Variants in CELF1 observed in about 807,000 individuals in gnomAD.
The protein encoded by CELF1 is CUGBP Elav-like family member 1, also known as 50 kDa nuclear polyadenylated RNA-binding protein.
A neutral mutation model predicts 61.8 loss-of-function variants in CELF1; 10 were observed. That is an observed-to-expected ratio of 0.16 (90% CI 0.10 to 0.27). The LOEUF is 0.27. CELF1 is among the 10% of genes least tolerant of loss of function. The pLI is 1.00. For synonymous variants in CELF1, 236 were observed against 225.1 expected, an observed-to-expected ratio of 1.05 and a Z score of -0.43; for missense variants, 380 against 639.1, an observed-to-expected ratio of 0.59 and a Z score of 4.37.
chr11:47,521,934 G>A (rs1178517956), intron 1 of CELF1, among the ~76,000 whole-genome samples: 2 of 148,722 alleles, frequency 1.3e-5, no homozygotes, highest in South Asian at 2.1e-4. Flanking sequence ...TTTTTGACAC[G>A]GGTTTTGCTC....
chr11:47,540,295 G>A (rs1297901376), intron 1 of CELF1, among the ~76,000 whole-genome samples: 1 of 152,224 alleles, frequency 6.6e-6, no homozygotes, highest in Non-Finnish European at 1.5e-5. Context: ...TGGAGGGGCT[G>A]AAGAGCATTC....
chr11:47,473,129 T>C lies in CELF1; in HGVS notation c.1376A>G (p.Lys459Arg), dbSNP rs2153365717. The stretch of plus-strand genomic sequence containing the variant: ...GTTTGTCTGCTTGTCTATGAAAACC[T>C]TGGCAGACACGACATTCCCAAAGGG... ...FMPFGNVVSAKVFIDKQTNLS... is the reference protein window; with the variant it reads ...FMPFGNVVSARVFIDKQTNLS... Residue 459 changes from lysine to arginine, a missense_variant, in exon 14 of 15, where the codon AAG becomes AGG. Coordinates refer to ENST00000687097, the MANE Select transcript of CELF1 (RefSeq NM_001376376.1). The C allele has an allele frequency of 1.2e-6, 2 of 1,614,072 alleles. No homozygotes were observed. The highest frequency in any genetic ancestry group is 1.7e-6 in the Non-Finnish European group (2 of 1,180,006).
intron 9 of CELF1, 138 bp downstream of exon 9, chr11:47,482,557 A>G: frequency 1.4e-6 from 1 of 706,664 alleles, no homozygotes; most frequent in South Asian, 2.0e-5. Context: ...TAAAAGAAAT[A>G]GTACTACCTG....
chr11:47,490,961 A>G (rs1446741487), intron 3 of CELF1, among the ~76,000 whole-genome samples: 3 of 150,906 alleles, frequency 2.0e-5, no homozygotes, highest in Admixed American at 2.0e-4. Flanking sequence ...TCCTAGGTTC[A>G]AGTGATTTTC....
intron 1 of CELF1, among the ~76,000 whole-genome samples, chr11:47,548,142 T>C (rs1258060360): frequency 6.6e-6 from 1 of 151,610 alleles, no homozygotes; most frequent in Non-Finnish European, 1.5e-5. Context: ...CTACTAAAAA[T>C]ACAAAAATTA....
At chr11:47,473,326 C>T (rs2078488135) in intron 13 of CELF1, 95 bp from the exon 14 acceptor site, 1 of 1,171,420 alleles carries the variant, frequency 8.5e-7, no homozygotes, top group Non-Finnish European at 1.2e-6. Context: ...TTAAAACTGT[C>T]ACAATCCCTA....
intron 1 of CELF1, among the ~76,000 whole-genome samples, chr11:47,545,703 G>T (rs960446733): frequency 6.6e-6 from 1 of 151,774 alleles, no homozygotes; most frequent in Admixed American, 6.6e-5. Flanking sequence ...AATAATTTTT[G>T]TATTTTTTGT....
intron 1 of CELF1, among the ~76,000 whole-genome samples, chr11:47,547,961 C>T (rs2097020562): frequency 6.6e-6 from 1 of 152,072 alleles, no homozygotes; most frequent in Admixed American, 6.6e-5. Flanking sequence ...GTGATGATTG[C>T]ACAACACCTC....
Position 47,477,361 on chromosome 11 carries a change from G to C in CELF1, c.909C>G (p.Asn303Lys). 6.2e-7 allele frequency: 1 copy of C among 1,613,730 alleles called. No individual in the cohort carries two copies. The highest frequency in any genetic ancestry group is 8.5e-7 in the Non-Finnish European group (1 of 1,179,676). The change falls in exon 11 of 15, where the codon AAC becomes AAG. Residue 303 changes from asparagine (N) to lysine (K), a missense_variant. By Grantham distance (94) the Asn-to-Lys change is moderately conservative. Transcript: ENST00000687097. ...ALAAAASAAQ[N>K]TPSGTNALTT... ...TGAGAGCATTGGTACCACTTGGTGT[G>C]TTCTGAGCTGCACTAGCTGCAGCAG...
intron 2 of CELF1, among the ~76,000 whole-genome samples, chr11:47,563,224 AAAAAAAAAGAAAAGT>A (rs1432092844): frequency 6.6e-6 from 1 of 152,014 alleles, no homozygotes; most frequent in East Asian, 1.9e-4. Flanking sequence ...TTCCTAGAAA[AAAAAAAAAGAAAAGT>A]AAAAAGAAGA....
chr11:47,525,272 T>C (rs1196298614), intron 1 of CELF1, among the ~76,000 whole-genome samples: 1 of 152,230 alleles, frequency 6.6e-6, no homozygotes, highest in African/African-American at 2.4e-5. Context: ...GATGATGGCT[T>C]ATATAACCAG....
intron 1 of CELF1, chr11:47,524,066 T>G (rs745822523): frequency 2.0e-5 from 3 of 152,182 alleles, no homozygotes; most frequent in Non-Finnish European, 2.9e-5. Context: ...CAGCATAGGT[T>G]GCTGTGGGGC....
At chr11:47,528,285 C>T (rs552749880) in intron 1 of CELF1, among the ~76,000 whole-genome samples, 1 of 152,170 alleles carries the variant, frequency 6.6e-6, no homozygotes, top group South Asian at 2.1e-4. Context: ...GATCGGGGTC[C>T]ATATGTATGG....
intron 3 of CELF1, among the ~76,000 whole-genome samples, chr11:47,494,029 T>C (rs1454643494): frequency 2.6e-5 from 4 of 152,260 alleles, no homozygotes; most frequent in African/African-American, 9.6e-5. Flanking sequence ...CCCCATTCAA[T>C]GGAGAGTTAT....
chr11:47,503,632 A>C (rs947209146), intron 1 of CELF1, among the ~76,000 whole-genome samples: 1 of 152,192 alleles, frequency 6.6e-6, no homozygotes, highest in African/African-American at 2.4e-5. Context: ...CATAAGAGAG[A>C]AAAAAAGTAA....
chr11:47,557,079 T>C (rs1340807078), upstream of CELF1, among the ~76,000 whole-genome samples: 2 of 152,008 alleles, frequency 1.3e-5, no homozygotes, highest in African/African-American at 4.8e-5. Flanking sequence ...TTTGTATTTT[T>C]AGTAGAGTCG....
chr11:47,497,936 G>A (rs1419125909), intron 3 of CELF1, among the ~76,000 whole-genome samples: 1 of 152,152 alleles, frequency 6.6e-6, no homozygotes, highest in African/African-American at 2.4e-5. Flanking sequence ...GTATTACAAT[G>A]AAAGACAATT....
chr11:47,516,597 TTC>T (rs2095565764), intron 1 of CELF1, among the ~76,000 whole-genome samples: 1 of 151,926 alleles, frequency 6.6e-6, no homozygotes, highest in South Asian at 2.1e-4. Flanking sequence ...ATTAATAATA[TTC>T]TCTTTTTTTT....
chr11:47,523,509 AC>A (rs1465825710), intron 1 of CELF1: 2 of 152,246 alleles, frequency 1.3e-5, no homozygotes, highest in African/African-American at 4.8e-5. Flanking sequence ...AGCATCCAAA[AC>A]CTACAATGCA....
Sources: allele counts gnomAD v4.1 joint callset (sites outside exome capture counted in the v4.1 genomes callset), GRCh38; gene constraint gnomAD v4.1.1; transcripts MANE v1.5; gene names NCBI Gene and HGNC (gene_info 2026-07-23, HGNC 2026-07-21).